FSTL5: variants seen among roughly 807,000 people sequenced by gnomAD.
FSTL5 encodes the protein follistatin like 5.
Under a neutral mutation model 89.1 loss-of-function variants are expected in FSTL5, and 62 were observed. The observed-to-expected ratio is 0.70, with a 90% CI of 0.57 to 0.86. The LOEUF is 0.86. Ranked by LOEUF, FSTL5 falls within the 40% of genes least tolerant of loss-of-function variation. FSTL5 has a pLI of 0.00. For synonymous variants in FSTL5, 383 were observed against 346.2 expected, an observed-to-expected ratio of 1.11 and a Z score of -1.18; for missense variants, 1,057 against 1,001.6, an observed-to-expected ratio of 1.06 and a Z score of -0.75.
At chr4:161,534,039 G>A (rs968778480) in intron 10 of FSTL5, among the ~76,000 whole-genome samples, 4 of 151,678 alleles carry the variant, frequency 2.6e-5, no homozygotes, top group Non-Finnish European at 5.9e-5. Context: ...ATTCATTCAC[G>A]GTAAAACCTC....
chr4:162,007,384 T>C (rs1427785482), intron 3 of FSTL5, among the ~76,000 whole-genome samples: 1 of 151,828 alleles, frequency 6.6e-6, no homozygotes, highest in Non-Finnish European at 1.5e-5. Context: ...TTACAAGATG[T>C]ATAAGCATAA....
chr4:161,722,973 C>G (rs1446678872), intron 6 of FSTL5, among the ~76,000 whole-genome samples: 1 of 151,994 alleles, frequency 6.6e-6, no homozygotes, highest in Admixed American at 6.6e-5. Flanking sequence ...TATAGGGGAC[C>G]AGCTACATTT....
intron 6 of FSTL5, among the ~76,000 whole-genome samples, chr4:161,748,658 GACTT>G (rs1740287302): frequency 8.0e-6 from 1 of 124,600 alleles, no homozygotes; most frequent in African/African-American, 3.0e-5. Context: ...CACATGAAAA[GACTT>G]ACACGATTGG....
chr4:161,833,368 G>A (rs1730914431), intron 4 of FSTL5, among the ~76,000 whole-genome samples: 2 of 150,682 alleles, frequency 1.3e-5, no homozygotes, highest in South Asian at 4.2e-4. Flanking sequence ...TTGATTTGGG[G>A]TGGAGAGTTC....
intron 7 of FSTL5, among the ~76,000 whole-genome samples, chr4:161,602,749 G>T (rs1288407766): frequency 1.3e-5 from 2 of 152,112 alleles, no homozygotes; most frequent in Non-Finnish European, 2.9e-5. Context: ...AACTGCTAGG[G>T]TATGGATGAA....
chr4:161,446,412 T>C (rs1300922633), intron 15 of FSTL5, among the ~76,000 whole-genome samples: 1 of 152,072 alleles, frequency 6.6e-6, no homozygotes, highest in Non-Finnish European at 1.5e-5. Context: ...CTTTCAGAGT[T>C]TCTGTTAAGT....
At chr4:162,151,925 C>T (rs1733239933) in intron 1 of FSTL5, among the ~76,000 whole-genome samples, 1 of 152,164 alleles carries the variant, frequency 6.6e-6, no homozygotes, top group Non-Finnish European at 1.5e-5. Flanking sequence ...CCTTCTTGAG[C>T]TCCCTCTACT....
intron 6 of FSTL5, among the ~76,000 whole-genome samples, chr4:161,755,006 C>G (rs1308720708): frequency 6.6e-6 from 1 of 152,034 alleles, no homozygotes; most frequent in Non-Finnish European, 1.5e-5. Flanking sequence ...TGAATATACT[C>G]ATGACAACAA....
chr4:161,454,244 A>G (rs1265126464), intron 15 of FSTL5, among the ~76,000 whole-genome samples: 1 of 152,194 alleles, frequency 6.6e-6, no homozygotes, highest in Non-Finnish European at 1.5e-5. Context: ...AAAGGACAAA[A>G]TCTTTGTTTC....
chr4:161,808,387 A>G (rs2126836613), intron 4 of FSTL5, among the ~76,000 whole-genome samples: 1 of 152,282 alleles, frequency 6.6e-6, no homozygotes. Flanking sequence ...ATAAGTGTAC[A>G]CTCATGTTCA....
At chr4:161,663,951 G>GGA in intron 6 of FSTL5, among the ~76,000 whole-genome samples, 1 of 152,170 alleles carries the variant, frequency 6.6e-6, no homozygotes, top group Non-Finnish European at 1.5e-5. Flanking sequence ...CAAGGCTTGT[G>GGA]GCTTCCACTC....
chr4:161,946,974 T>G (rs141936508), intron 3 of FSTL5, among the ~76,000 whole-genome samples: 215 of 152,274 alleles, frequency 1.4e-3, no homozygotes, highest in African/African-American at 5.0e-3. Context: ...TGATGAAAAA[T>G]TATATTGAAT....
chr4:161,832,475 T>C (rs1033298543), intron 4 of FSTL5, among the ~76,000 whole-genome samples: 1 of 152,046 alleles, frequency 6.6e-6, no homozygotes, highest in African/African-American at 2.4e-5. Context: ...CTCCTTGTAC[T>C]TCTGGTAGAA....
intron 10 of FSTL5, among the ~76,000 whole-genome samples, chr4:161,521,920 C>T (rs1293120624): frequency 6.8e-6 from 1 of 147,204 alleles, no homozygotes; most frequent in Non-Finnish European, 1.5e-5. Flanking sequence ...ATTATTTTAT[C>T]ACTTCTTGTC....
chr4:161,865,214 C>T (rs147864010), intron 4 of FSTL5, among the ~76,000 whole-genome samples: 16 of 152,034 alleles, frequency 1.1e-4, no homozygotes, highest in South Asian at 4.1e-4. Flanking sequence ...ACCACAAAAT[C>T]GCAGAAAACA....
chr4:161,493,013 GA>G (rs1459370816), intron 12 of FSTL5, among the ~76,000 whole-genome samples: 2 of 151,644 alleles, frequency 1.3e-5, no homozygotes, highest in Non-Finnish European at 2.9e-5. Flanking sequence ...TTAAAATATG[GA>G]AAAAAATTTA....
chr4:162,113,593 A>G (rs1008369707), intron 1 of FSTL5, among the ~76,000 whole-genome samples: 1 of 152,144 alleles, frequency 6.6e-6, no homozygotes. Flanking sequence ...ACAAGTTCCC[A>G]GTGTCTGAGC....
chr4:162,067,859 T>TA (rs1413370371), intron 2 of FSTL5, among the ~76,000 whole-genome samples: 1 of 151,884 alleles, frequency 6.6e-6, no homozygotes, highest in Non-Finnish European at 1.5e-5. Flanking sequence ...AGTCTCAGGA[T>TA]AAAAAATCAA....
At chr4:162,093,480 T>C (rs1730631135) in intron 2 of FSTL5, among the ~76,000 whole-genome samples, 1 of 152,108 alleles carries the variant, frequency 6.6e-6, no homozygotes, top group Non-Finnish European at 1.5e-5. Context: ...CCAGAAAATA[T>C]TGGAAAAACA....
Sources: allele counts gnomAD v4.1 joint callset (sites outside exome capture counted in the v4.1 genomes callset), GRCh38; gene constraint gnomAD v4.1.1; transcripts MANE v1.5; gene names NCBI Gene and HGNC (gene_info 2026-07-23, HGNC 2026-07-21).